The following NECAB2 variants were observed in gnomAD, a reference collection of about 807,000 sequenced individuals.
The protein encoded by NECAB2 is N-terminal EF-hand calcium-binding protein 2.
In NECAB2, 68 loss-of-function variants were observed where a neutral mutation model predicts 51.9. The observed-to-expected ratio is 1.31, with a 90% CI of 1.08 to 1.60. The LOEUF (loss-of-function observed/expected upper bound fraction) is 1.60. Among genes scored for constraint, NECAB2 ranks in the 40% most tolerant of loss-of-function variants. The pLI is 0.00. For synonymous variants in NECAB2, 329 were observed against 203.5 expected (o/e 1.62, Z -5.25); for missense variants, 854 against 490.3 (o/e 1.74, Z -7.00).
intron 10 of NECAB2, 118 bp downstream of exon 10, chr16:83,998,435 C>T (rs2084752939): frequency 2.2e-6 from 2 of 921,750 alleles, no homozygotes; most frequent in African/African-American, 1.6e-5. Flanking sequence ...CAGGGACACA[C>T]ACAGCTGGAT....
intron 7 of NECAB2, 25 bp from the exon 8 acceptor site, chr16:83,994,584 C>T: frequency 1.9e-6 from 3 of 1,613,846 alleles, no homozygotes; most frequent in Non-Finnish European, 2.5e-6. Context: ...CCACTGAAGT[C>T]TGTGTGTCTC....
chr16:83,978,216 G>A (rs1597201768), intron 2 of NECAB2, among the ~76,000 whole-genome samples: 1 of 152,222 alleles, frequency 6.6e-6, no homozygotes, highest in Non-Finnish European at 1.5e-5. Context: ...ATGATTCTCT[G>A]TGTACTGGAG....
intron 6 of NECAB2, among the ~76,000 whole-genome samples, chr16:83,992,276 C>G (rs1411798339): frequency 6.6e-6 from 1 of 151,848 alleles, no homozygotes; most frequent in Non-Finnish European, 1.5e-5. Context: ...GGGTCCCATC[C>G]TAGGTGGTGG....
chr16:83,969,664 G>C (rs955065265), intron 1 of NECAB2, among the ~76,000 whole-genome samples: 1 of 151,026 alleles, frequency 6.6e-6, no homozygotes, highest in African/African-American at 2.4e-5. Context: ...GGAATCTTCA[G>C]GGGGCGGCTC....
intron 8 of NECAB2, 43 bp from the exon 9 acceptor site, chr16:83,997,173 T>C: frequency 6.2e-7 from 1 of 1,612,858 alleles, no homozygotes; most frequent in Non-Finnish European, 8.5e-7. Context: ...CGGGGCGGAG[T>C]GGGGCTCTGG....
chr16:83,974,082 C>G (rs993781934), intron 2 of NECAB2, among the ~76,000 whole-genome samples: 2 of 152,020 alleles, frequency 1.3e-5, no homozygotes, highest in African/African-American at 4.8e-5. Context: ...CTTACTGCAG[C>G]CTCCTCAAAG....
chr16:83,998,458 G>C (rs1209977339), intron 10 of NECAB2, 141 bp downstream of exon 10: 8 of 767,710 alleles, frequency 1.0e-5, no homozygotes, highest in South Asian at 9.0e-5. Flanking sequence ...GTAAGAAGTG[G>C]GTTCAGGTCT....
Position 84,002,431 on chromosome 16 carries a change from G to A in NECAB2, c.*85G>A, listed in dbSNP as rs141894225. The stretch of plus-strand genomic sequence containing the variant: ...CGTTTTTTTCTAGACAGACACTTTG[G>A]TGCAGAAGCTTCTTTTCAATCCATC... On this transcript the variant is annotated 3_prime_UTR_variant, in exon 13 of 13. Coordinates refer to ENST00000305202, the MANE Select transcript of NECAB2 (RefSeq NM_019065.3). 5.3e-6 allele frequency: 8 copies of A among 1,505,258 alleles called. No individual in the cohort carries two copies. The highest frequency in any genetic ancestry group is 6.5e-6 in the Non-Finnish European group (7 of 1,085,108). The allele number at this position is 1,505,258 out of a possible 1,614,324, so 93.2% of individuals were successfully genotyped here.
At chr16:83,977,310 G>A (rs1376771827) in intron 2 of NECAB2, among the ~76,000 whole-genome samples, 2 of 152,078 alleles carry the variant, frequency 1.3e-5, no homozygotes, top group East Asian at 3.9e-4. Flanking sequence ...GGAGGGGGGA[G>A]GTGGCTGCAG....
chr16:83,998,782 C>A (rs1181800401), intron 10 of NECAB2, among the ~76,000 whole-genome samples: 1 of 142,438 alleles, frequency 7.0e-6, no homozygotes, highest in Non-Finnish European at 1.5e-5. Context: ...GGGAAATGCC[C>A]AAGTCATGTA....
At chr16:83,989,455 CA>C (rs1256750068) in intron 5 of NECAB2, among the ~76,000 whole-genome samples, 1 of 152,174 alleles carries the variant, frequency 6.6e-6, no homozygotes, top group Non-Finnish European at 1.5e-5. Flanking sequence ...AATTAATTCC[CA>C]GTCAGAGTGA....
chr16:83,998,176 C>A, intron 9 of NECAB2, 29 bp from the exon 10 acceptor site: 1 of 1,599,038 alleles, frequency 6.3e-7, no homozygotes, highest in South Asian at 1.1e-5. Context: ...GACGTGGAGC[C>A]CCACACTGAC....
intron 9 of NECAB2, among the ~76,000 whole-genome samples, chr16:83,997,922 G>C (rs1338685040): frequency 2.0e-5 from 3 of 152,146 alleles, no homozygotes; most frequent in African/African-American, 7.2e-5. Context: ...GTGTCTCCAG[G>C]CCCTGGAGGC....
At chr16:83,987,755 C>G (rs1277491802) in intron 5 of NECAB2, among the ~76,000 whole-genome samples, 1 of 152,124 alleles carries the variant, frequency 6.6e-6, no homozygotes, top group African/African-American at 2.4e-5. Context: ...TACCTTGTGG[C>G]AAACATAGTT....
At chr16:83,986,748 G>C (rs1297234849) in intron 5 of NECAB2, among the ~76,000 whole-genome samples, 2 of 149,938 alleles carry the variant, frequency 1.3e-5, no homozygotes, top group Non-Finnish European at 3.0e-5. Context: ...TCAAACTCCT[G>C]GGCTGAAGCA....
rs7199901 is a variant in NECAB2, at chr16:83,998,331, C to G, written c.962+14C>G. ...GAACTGCTTCCAGTGAGTGAGCTGC[C>G]GAGGCGTGGGTGGGATGGTGGCAGG... On this transcript the variant is annotated intron_variant, in intron 10 of 12. Coordinates refer to ENST00000305202, the MANE Select transcript of NECAB2 (RefSeq NM_019065.3). 4.3e-5 allele frequency: 70 copies of G among 1,611,146 alleles called. No individual in the cohort carries two copies. Among genetic ancestry groups the G allele is most frequent in the Non-Finnish European group, 4.8e-5 (57 of 1,178,760 alleles).
intron 2 of NECAB2, among the ~76,000 whole-genome samples, chr16:83,973,387 C>T (rs2151085088): frequency 6.6e-6 from 1 of 152,250 alleles, no homozygotes; most frequent in Non-Finnish European, 1.5e-5. Flanking sequence ...CAGGCCTGGG[C>T]TGGAATCAGT....
chr16:84,000,750 G>T lies in NECAB2; in HGVS notation c.989G>T (p.Gly330Val). 1 of 1,613,874 alleles carries T rather than the reference G, an allele frequency of 6.2e-7. No individual in the cohort carries two copies. Among genetic ancestry groups the T allele is most frequent in the Admixed American group, 1.7e-5 (1 of 60,012 alleles). ...ATCACTGCCGTGAGGCTCTCAGATG[G>T]CTTCACCTTTGTCATCTATGAGTTC... ...FHITAVRLSD[G>V]FTFVIYEFWE... is the part of the protein sequence containing the mutation. The change falls in exon 11 of 13, where the codon GGC (glycine) becomes GTC (valine). Residue 330 changes from glycine to valine, a missense_variant. Physicochemically the swap from Gly to Val is moderately radical, Grantham distance 109. Transcript: ENST00000305202.
rs1204896120 is a variant in NECAB2, at chr16:83,994,252, G to C, written c.597-50G>C. ...TGTGGAAGATGCTGGAAGTGGTAAG[G>C]GCCCTGAAGCCACCGCCATGGTCTG... On this transcript the variant is annotated intron_variant, in intron 6 of 12. Transcript: ENST00000305202. 14 of 1,551,984 alleles carry C rather than the reference G, an allele frequency of 9.0e-6. No homozygotes were observed. The East Asian group carries it at 2.5e-4, about 27-fold the overall frequency.
Sources: gnomAD v4.1 joint callset for allele counts (sites outside exome capture counted in the v4.1 genomes callset) on GRCh38, gnomAD v4.1.1 for gene constraint, MANE v1.5 for transcripts, NCBI Gene and HGNC (gene_info 2026-07-23, HGNC 2026-07-21) for gene names.